The following PTPN13 variants were observed in gnomAD, a reference collection of about 807,000 sequenced individuals.
PTPN13 encodes protein tyrosine phosphatase non-receptor type 13.
Under a neutral mutation model 284.0 loss-of-function variants are expected in PTPN13, and 191 were observed. That is an observed-to-expected ratio of 0.67 (90% confidence interval 0.60 to 0.76). The LOEUF (loss-of-function observed/expected upper bound fraction) is 0.76. Ranked by LOEUF, PTPN13 falls within the 30% of genes least tolerant of loss-of-function variation. PTPN13 has a pLI of 0.00. For synonymous variants in PTPN13, 986 were observed against 1,022.3 expected (o/e 0.96, Z 0.68); for missense variants, 2,797 against 2,939.9 (o/e 0.95, Z 1.12).
In PTPN13 at chr4:86,692,278, T is replaced by C. The variant is rs182359138; in HGVS notation, c.547-1309T>C. On this transcript the variant is annotated intron_variant, in intron 5 of 47. Transcript: ENST00000411767. ...ATACTGTCTTTTCAGTCACTGACAG[T>C]ACAGTGTAATCTGGACTAACATCAT... Among the ~76,000 whole-genome samples the C allele has an allele frequency of 4.5e-4, 69 of 152,330 alleles. 1 individual carries two copies. The East Asian group carries it at 0.01, about 23-fold the overall frequency.
chr4:86,669,257 A>C (rs1362125868), intron 2 of PTPN13, among the ~76,000 whole-genome samples: 2 of 144,840 alleles, frequency 1.4e-5, no homozygotes, highest in Non-Finnish European at 3.0e-5. Flanking sequence ...CTCTATTAGC[A>C]AATGACCTGT....
At chr4:86,697,153 G>A (rs1026540031) in intron 6 of PTPN13, among the ~76,000 whole-genome samples, 5 of 152,118 alleles carry the variant, frequency 3.3e-5, no homozygotes, top group African/African-American at 1.2e-4. Context: ...ACACTTGGCA[G>A]TGCCAGTTCT....
chr4:86,752,781 T>G (rs1025677279), intron 19 of PTPN13, among the ~76,000 whole-genome samples: 1 of 152,194 alleles, frequency 6.6e-6, no homozygotes, highest in African/African-American at 2.4e-5. Context: ...CAAAGTATTG[T>G]CAGAAACAAT....
At position 86,750,543 on chromosome 4, in the gene PTPN13, C is replaced by T; in HGVS notation, c.2724C>T (p.Ser908=). Residue 908 remains serine (S), a synonymous_variant, in exon 18 of 48, where the codon AGC becomes AGT. Transcript: ENST00000411767. ...GATTTAATATGGGACGAGCAATCAG[C>T]ACTGGCAGTCTGGCCAGCAGCACCC... ...VRGFNMGRAI[S]TGSLASSTLN... 6.2e-7 allele frequency: 1 copy of T among 1,613,946 alleles called. No homozygotes were observed. The highest frequency in any genetic ancestry group is 1.7e-5 in the Admixed American group (1 of 60,020).
chr4:86,722,262 T>A lies in PTPN13; in HGVS notation c.1436T>A (p.Met479Lys). 6.2e-7 allele frequency: 1 copy of A among 1,613,830 alleles called. No individual in the cohort carries two copies. Among genetic ancestry groups the A allele is most frequent in the Non-Finnish European group, 8.5e-7 (1 of 1,179,826 alleles). Residue 479 changes from methionine to lysine, a missense_variant, in exon 10 of 48, where the codon ATG becomes AAG. By Grantham distance (95) the Met-to-Lys change is moderately conservative. Transcript: ENST00000411767. ...GGCAACTTAATTAATCAAGAGATCA[T>A]GCTAAAACGGCAAGAGGAAGAACTG... Reference protein sequence around the residue: ...FEGNLINQEIMLKRQEEELMQ... With the variant: ...FEGNLINQEIKLKRQEEELMQ...
intron 6 of PTPN13, among the ~76,000 whole-genome samples, chr4:86,699,707 G>T (rs1327421709): frequency 2.6e-5 from 4 of 152,128 alleles, no homozygotes; most frequent in Admixed American, 2.6e-4. Flanking sequence ...AAGGCAGATG[G>T]TTAAGTTCAT....
intron 1 of PTPN13, among the ~76,000 whole-genome samples, chr4:86,600,172 C>T (rs557321877): frequency 1.3e-5 from 2 of 152,062 alleles, no homozygotes; most frequent in Admixed American, 6.5e-5. Context: ...AATGAGATTC[C>T]TAAAGAATTC....
chr4:86,762,028 A>T (rs545619650), intron 23 of PTPN13, among the ~76,000 whole-genome samples: 1 of 152,346 alleles, frequency 6.6e-6, no homozygotes, highest in Admixed American at 6.5e-5. Context: ...GCTGAAGTGC[A>T]GTAGCACAAT....
At chr4:86,630,386 T>G (rs1181511543) in intron 1 of PTPN13, among the ~76,000 whole-genome samples, 1 of 152,180 alleles carries the variant, frequency 6.6e-6, no homozygotes, top group African/African-American at 2.4e-5. Flanking sequence ...AATACAAGCC[T>G]CAACCATTTT....
chr4:86,677,649 T>C lies in PTPN13; in HGVS notation c.294+5106T>C, dbSNP rs1409574001. On this transcript the variant is annotated intron_variant, in intron 3 of 47. Coordinates refer to ENST00000411767, the MANE Select transcript of PTPN13 (RefSeq NM_080683.3). ...TCTTGTGTGGGTTTTTTTTTTTTTT[T>C]AACCACAATGAAAGATGATGCCAAG... Among the ~76,000 whole-genome samples, 6 of 151,062 alleles carry C rather than the reference T, an allele frequency of 4.0e-5. No individual in the cohort carries two copies. In the East Asian group the frequency reaches 1.2e-3, roughly 29 times the overall value.
intron 6 of PTPN13, among the ~76,000 whole-genome samples, chr4:86,700,790 G>T (rs1002305241): frequency 6.6e-6 from 1 of 152,064 alleles, no homozygotes. Flanking sequence ...TTCCTTAAAT[G>T]TATGTATTTA....
chr4:86,794,689 C>G (rs1246400004), intron 40 of PTPN13, among the ~76,000 whole-genome samples: 1 of 152,006 alleles, frequency 6.6e-6, no homozygotes, highest in African/African-American at 2.4e-5. Context: ...GGTACTGGTA[C>G]CAAAACAGAT....
intron 1 of PTPN13, among the ~76,000 whole-genome samples, chr4:86,602,484 GT>G (rs780171101): frequency 1.4e-5 from 2 of 141,268 alleles, no homozygotes; most frequent in African/African-American, 5.2e-5. Flanking sequence ...ATTTATAACA[GT>G]TTTTTTAACA....
intron 2 of PTPN13, among the ~76,000 whole-genome samples, chr4:86,635,797 C>T (rs1722949441): frequency 6.6e-6 from 1 of 151,986 alleles, no homozygotes; most frequent in African/African-American, 2.4e-5. Flanking sequence ...AACCCCATCT[C>T]TACTAAAAAT....
chr4:86,624,374 G>A (rs896803054), intron 1 of PTPN13, among the ~76,000 whole-genome samples: 1 of 152,118 alleles, frequency 6.6e-6, no homozygotes, highest in Non-Finnish European at 1.5e-5. Context: ...AGAATACCCA[G>A]GGACCAGTGC....
chr4:86,672,615 A>G (rs776012201), intron 3 of PTPN13, 72 bp downstream of exon 3: 14 of 1,210,320 alleles, frequency 1.2e-5, no homozygotes, highest in Admixed American at 2.6e-5. Flanking sequence ...ATGGGCTACC[A>G]TGTTTCAACC....
chr4:86,658,627 A>G (rs1207076949), intron 2 of PTPN13, among the ~76,000 whole-genome samples: 1 of 152,208 alleles, frequency 6.6e-6, no homozygotes, highest in Non-Finnish European at 1.5e-5. Flanking sequence ...AATACTAAAA[A>G]TATGAGAGAG....
rs570794906 is a variant in PTPN13 at position 86,765,851 on chromosome 4, A to G, written c.4243+363A>G. Reference sequence around the variant, plus strand: ...TGTTGTTGTTTTTTTTTTTCGAGACAGAGTCTCACTCTGTCACCCAGGCTG... The same window carrying G: ...TGTTGTTGTTTTTTTTTTTCGAGACGGAGTCTCACTCTGTCACCCAGGCTG... On this transcript the variant is annotated intron_variant, in intron 26 of 47. Coordinates refer to ENST00000411767, the MANE Select transcript of PTPN13 (RefSeq NM_080683.3). Among the ~76,000 whole-genome samples, 20 of 151,512 alleles carry G rather than the reference A, an allele frequency of 1.3e-4. No individual in the cohort carries two copies. In the South Asian group the frequency reaches 4.0e-3, roughly 30 times the overall value.
At chr4:86,692,778 T>G (rs1730163868) in intron 5 of PTPN13, among the ~76,000 whole-genome samples, 1 of 152,164 alleles carries the variant, frequency 6.6e-6, no homozygotes, top group Non-Finnish European at 1.5e-5. Flanking sequence ...GAGCGTCCAT[T>G]TAAAGACTTA....
Sources: allele counts gnomAD v4.1 joint callset (sites outside exome capture counted in the v4.1 genomes callset), GRCh38; gene constraint gnomAD v4.1.1; transcripts MANE v1.5; gene names NCBI Gene and HGNC (gene_info 2026-07-23, HGNC 2026-07-21).